The following RNF135 variants were observed in gnomAD, a reference collection of about 807,000 sequenced individuals.
RNF135 encodes E3 ubiquitin-protein ligase RNF135.
RNF135 carries 46 observed loss-of-function variants against 41.9 expected under a neutral mutation model. That is an observed-to-expected ratio of 1.10 (90% CI 0.87 to 1.40). The LOEUF is 1.40. Ranked by LOEUF, RNF135 falls within the 40% of genes most tolerant of loss-of-function variation. The probability of loss-of-function intolerance (pLI) is 0.00; values close to 1 mark genes in which losing one functional copy is unlikely to be tolerated. For missense variants in RNF135, 539 were observed against 549.8 expected, an observed-to-expected ratio of 0.98 and a Z score of 0.20; for synonymous variants, 238 against 223.8, an observed-to-expected ratio of 1.06 and a Z score of -0.57.
At chr17:30,980,763 T>G (rs1221416568) in intron 1 of RNF135, among the ~76,000 whole-genome samples, 9 of 106,516 alleles carry the variant, frequency 8.4e-5, no homozygotes, top group Non-Finnish European at 1.2e-4. Flanking sequence ...TCTCAGACGA[T>G]GGGCGGCCGG....
In RNF135 at chr17:30,997,257, C is replaced by G; in HGVS notation, c.695C>G (p.Ala232Gly). 7 of 1,613,828 alleles carry G rather than the reference C, an allele frequency of 4.3e-6. No homozygotes were observed. Residue 232 changes from alanine to glycine, a missense_variant, in exon 4 of 5, where the codon GCC becomes GGC. By Grantham distance (60) the Ala-to-Gly change is moderately conservative. Transcript: ENST00000328381. ...EAQMQGELLE[A>G]PSSSSCPLPD... ...TGTTACTTAGGAGAACTCCTGGAAGCCCCGTCTTCCTCCTCATGCCCATTG... is the reference window on the plus strand; with the variant it reads ...TGTTACTTAGGAGAACTCCTGGAAGGCCCGTCTTCCTCCTCATGCCCATTG...
chr17:30,973,621 C>G (rs1906191472), intron 1 of RNF135, among the ~76,000 whole-genome samples: 1 of 152,088 alleles, frequency 6.6e-6, no homozygotes, highest in Admixed American at 6.6e-5. Context: ...GCGCCTGCCA[C>G]CACACCTGGA....
the RNF135 span, among the ~76,000 whole-genome samples, chr17:30,960,749 T>A: frequency 2.2e-3 from 314 of 145,878 alleles, no homozygotes; most frequent in African/African-American, 5.0e-3. Flanking sequence ...ATTTTATTTT[T>A]TTTTTTTTGA....
chr17:30,985,926 G>A (rs1907548976), intron 2 of RNF135, among the ~76,000 whole-genome samples: 1 of 151,988 alleles, frequency 6.6e-6, no homozygotes, highest in African/African-American at 2.4e-5. Flanking sequence ...CCCACTACAG[G>A]GCACCCTTCA....
chr17:30,991,199 A>C lies in RNF135; in HGVS notation c.679+3093A>C, dbSNP rs142356241. On this transcript the variant is annotated intron_variant, in intron 3 of 4. Coordinates refer to ENST00000328381, the MANE Select transcript of RNF135 (RefSeq NM_032322.4). ...TTTTTAAACCAATCTCATGGGTCAAAATATTGATGTGAAATTAGCCAGTCT... is the reference window on the plus strand; with the variant it reads ...TTTTTAAACCAATCTCATGGGTCAACATATTGATGTGAAATTAGCCAGTCT... 3.7e-3 allele frequency among the ~76,000 whole-genome samples: 562 copies of C among 151,844 alleles called. 4 individuals carry two copies. The highest frequency in any genetic ancestry group is 0.013 in the African/African-American group (518 of 41,398).
intron 1 of RNF135, chr17:30,975,820 T>G: frequency 1.0e-6 from 1 of 980,378 alleles, no homozygotes; most frequent in Non-Finnish European, 1.6e-6. Context: ...ATGACTTCGT[T>G]GGCCACAGAA....
At chr17:30,979,535 C>CG (rs1227805615) in intron 1 of RNF135, among the ~76,000 whole-genome samples, 1 of 61,240 alleles carries the variant, frequency 1.6e-5, no homozygotes, top group East Asian at 3.5e-4. Flanking sequence ...CTGGCCGACC[C>CG]CCCCCCCCCG....
the RNF135 span, among the ~76,000 whole-genome samples, chr17:30,964,561 G>T: frequency 6.6e-6 from 1 of 151,932 alleles, no homozygotes; most frequent in South Asian, 2.1e-4. Flanking sequence ...GCAAGATTGC[G>T]CCAGTGCACT....
At chr17:30,970,507 C>G (rs908089547), upstream of RNF135, 5 of 158,298 alleles carry the variant, frequency 3.2e-5, no homozygotes, top group African/African-American at 1.2e-4. Flanking sequence ...CCGTGCTCCA[C>G]CCAAGACAAT....
At chr17:30,963,816 G>A in the RNF135 span, among the ~76,000 whole-genome samples, 1 of 151,928 alleles carries the variant, frequency 6.6e-6, no homozygotes, top group African/African-American at 2.4e-5. Flanking sequence ...ATAATGGGGT[G>A]AGAAAAAAAT....
chr17:30,978,511 TGA>T (rs1428058429), intron 1 of RNF135: 22 of 152,336 alleles, frequency 1.4e-4, no homozygotes, highest in African/African-American at 5.3e-4. Flanking sequence ...ATTTTGCTAT[TGA>T]GAGACTCTGA....
At chr17:30,967,499 G>A (rs1428871277), upstream of RNF135, among the ~76,000 whole-genome samples, 1 of 151,922 alleles carries the variant, frequency 6.6e-6, no homozygotes, top group African/African-American at 2.4e-5. Context: ...ATTAAATCCA[G>A]GGGAAAAAAT....
At chr17:30,993,039 G>A (rs997630563) in intron 3 of RNF135, among the ~76,000 whole-genome samples, 9 of 129,304 alleles carry the variant, frequency 7.0e-5, no homozygotes, top group African/African-American at 4.0e-4. Flanking sequence ...TGTTTTATTT[G>A]TTTATTATTA....
chr17:30,984,736 C>G lies in RNF135; in HGVS notation c.492C>G (p.Asp164Glu), dbSNP rs749668000. 6.2e-7 allele frequency: 1 copy of G among 1,613,988 alleles called. No individual in the cohort carries two copies. Among genetic ancestry groups the G allele is most frequent in the East Asian group, 2.2e-5 (1 of 44,886 alleles). ...NQRPLSESGP[D>E]NELSILGKAF... ...GGCCCCTATCAGAATCTGGACCAGA[C>G]AACGAACTGAGCATCCTGGGCAAGG... Residue 164 changes from aspartate (D) to glutamate (E), a missense_variant, in exon 2 of 5, where the codon GAC becomes GAG. By Grantham distance (45) the Asp-to-Glu change is conservative (BLOSUM62 2). Transcript: ENST00000328381.
In RNF135 at chr17:30,999,229, C is replaced by G. The variant is rs777472274; in HGVS notation, c.*38C>G. The stretch of plus-strand genomic sequence containing the variant: ...GATTACAACACAGTGGTTTCCTGGT[C>G]TCTCTCCCTGTCATCAATCAGGGTA... On this transcript the variant is annotated 3_prime_UTR_variant, in exon 5 of 5. Transcript: ENST00000328381. 14 of 1,598,432 alleles carry G rather than the reference C, an allele frequency of 8.8e-6. No individual in the cohort carries two copies. Among genetic ancestry groups the G allele is most frequent in the Middle Eastern group, 1.8e-4 (1 of 5,574 alleles).
chr17:30,978,024 T>C (rs1906621434), intron 1 of RNF135, among the ~76,000 whole-genome samples: 1 of 152,182 alleles, frequency 6.6e-6, no homozygotes, highest in Admixed American at 6.5e-5. Context: ...AGGGTAAAAG[T>C]TTTTTCCTTC....
At chr17:30,992,112 AGC>A (rs1464335092) in intron 3 of RNF135, among the ~76,000 whole-genome samples, 1 of 150,672 alleles carries the variant, frequency 6.6e-6, no homozygotes, top group African/African-American at 2.4e-5. Flanking sequence ...TTGTATTTTT[AGC>A]AGAGACAGGG....
At chr17:30,965,617 A>G in the RNF135 span, 12 of 152,170 alleles carry the variant, frequency 7.9e-5, no homozygotes, top group African/African-American at 2.4e-4. Flanking sequence ...TAATCACCCA[A>G]CGGGTTCTTC....
chr17:30,990,995 GA>G (rs1907948022), intron 3 of RNF135, among the ~76,000 whole-genome samples: 2 of 152,270 alleles, frequency 1.3e-5, no homozygotes, highest in East Asian at 3.9e-4. Flanking sequence ...TATGGGTGTA[GA>G]TATATTTGTA....
Sources: gnomAD v4.1 joint callset for allele counts (sites outside exome capture counted in the v4.1 genomes callset) on GRCh38, gnomAD v4.1.1 for gene constraint, MANE v1.5 for transcripts, NCBI Gene and HGNC (gene_info 2026-07-23, HGNC 2026-07-21) for gene names.